The following ZNF454 variants were observed in gnomAD, a reference collection of about 807,000 sequenced individuals.
ZNF454 encodes zinc finger protein 454.
A neutral mutation model predicts 48.2 loss-of-function variants in ZNF454; 30 were observed. The ratio of observed to expected loss-of-function variants is 0.62; its 90% CI spans 0.47 to 0.84. ZNF454 has a LOEUF of 0.84. Among genes scored for constraint, ZNF454 ranks in the 40% least tolerant of loss-of-function variants. The pLI is 0.00. For synonymous variants in ZNF454, 204 were observed against 211.4 expected (o/e 0.97, Z 0.30); for missense variants, 510 against 623.1 (o/e 0.82, Z 1.93).
At chr5:178,981,997 G>A in the ZNF454 span, 3 of 751,410 alleles carry the variant, frequency 4.0e-6, no homozygotes, top group South Asian at 2.8e-5. The surrounding 1 kb of genome is among the most constrained non-coding windows in gnomAD (Gnocchi z 5.1). Flanking sequence ...ACAACAGTAT[G>A]AGCAGGGGCC....
the ZNF454 span, among the ~76,000 whole-genome samples, chr5:178,973,878 A>T: frequency 2.0e-5 from 3 of 151,792 alleles, no homozygotes; most frequent in South Asian, 2.1e-4. Context: ...TGAAGAATTT[A>T]AAAAATTCTA....
the ZNF454 span, chr5:178,986,563 GGCCTCATGTC>G: frequency 6.2e-7 from 1 of 1,607,876 alleles, no homozygotes; most frequent in Non-Finnish European, 8.5e-7. Context: ...GTTGGGCGTG[GGCCTCATGTC>G]CCCAGGACAG....
Position 178,965,181 on chromosome 5 carries a change from T to C in ZNF454, c.777T>C (p.Leu259=), listed in dbSNP as rs1760107398. Residue 259 remains leucine, a synonymous_variant, in exon 5 of 5, where the codon CTT becomes CTC. Transcript: ENST00000519564. This position sits in a 1 kb window ranked among gnomAD's most constrained non-coding sequence, Gnocchi z 5.2. ...AGGCCTTCTCAGTGAGCTCCTCACT[T>C]ACGTACCATCAGAAAATTCATACTG... The part of the protein sequence containing the change: ...CGKAFSVSSS[L]TYHQKIHTGE... 1 of 1,614,158 alleles carries C rather than the reference T, an allele frequency of 6.2e-7. No homozygotes were observed. Among genetic ancestry groups the C allele is most frequent in the East Asian group, 2.2e-5 (1 of 44,880 alleles).
At chr5:178,985,272 T>C in the ZNF454 span, 259,489 of 455,690 alleles carry the variant, frequency 0.57, 77,014 homozygotes, top group Admixed American at 0.68. Context: ...TTCACTGTTG[T>C]ACAGAAAGAT....
downstream of ZNF454, among the ~76,000 whole-genome samples, chr5:178,970,765 CT>C (rs1760223240): frequency 6.6e-6 from 1 of 152,208 alleles, no homozygotes; most frequent in Admixed American, 6.5e-5. Context: ...ATCAGTGTGT[CT>C]TTCTGAAAAT....
chr5:178,944,774 C>T lies in ZNF454; in HGVS notation c.34-1585C>T, dbSNP rs546502131. On this transcript the variant is annotated intron_variant, in intron 2 of 4. Coordinates refer to ENST00000519564, the MANE Select transcript of ZNF454 (RefSeq NM_001178089.3). The surrounding 1 kb of genome is among the most constrained non-coding windows in gnomAD (Gnocchi z 4.1). Reference sequence around the variant, plus strand: ...CTGGGCTTCTGCTTACCTCTTTTTTCTCAGTGAACACCAGCTCCCTTAACT... The same window carrying T: ...CTGGGCTTCTGCTTACCTCTTTTTTTTCAGTGAACACCAGCTCCCTTAACT... Among the ~76,000 whole-genome samples, 68 of 152,294 alleles carry T rather than the reference C, an allele frequency of 4.5e-4. No homozygotes were observed. Among genetic ancestry groups the T allele is most frequent in the South Asian group, 1.4e-3 (7 of 4,828 alleles).
rs942642536 is a variant in ZNF454, at chr5:178,946,539, C to G, written c.160+54C>G. The G allele has an allele frequency of 1.9e-6, 3 of 1,546,866 alleles. No individual in the cohort carries two copies. Among genetic ancestry groups the G allele is most frequent in the Non-Finnish European group, 1.7e-6 (2 of 1,151,338 alleles). On this transcript the variant is annotated intron_variant, in intron 3 of 4. Coordinates refer to ENST00000519564, the MANE Select transcript of ZNF454 (RefSeq NM_001178089.3). This position sits in a 1 kb window ranked among gnomAD's most constrained non-coding sequence, Gnocchi z 4.5. Reference sequence around the variant, plus strand: ...TCACTTTTGGGGATCTCTTTGGGACCCTTACATTGACACCATATAGAAGAG... The same window carrying G: ...TCACTTTTGGGGATCTCTTTGGGACGCTTACATTGACACCATATAGAAGAG...
At position 178,946,777 on chromosome 5, in the gene ZNF454, TG is replaced by T; in HGVS notation, c.161-117del. Reference sequence around the variant, plus strand: ...CTCCCTCTGGGAACACACCTGACCCTGGGCTTTCCTATCAAGTCCCATTTCC... The same window carrying T: ...CTCCCTCTGGGAACACACCTGACCCTGGCTTTCCTATCAAGTCCCATTTCC... On this transcript the variant is annotated intron_variant, in intron 3 of 4. Coordinates refer to ENST00000519564, the MANE Select transcript of ZNF454 (RefSeq NM_001178089.3). The surrounding 1 kb of genome is among the most constrained non-coding windows in gnomAD (Gnocchi z 4.5). 1 of 943,262 alleles carries T rather than the reference TG, an allele frequency of 1.1e-6. No individual in the cohort carries two copies. Among genetic ancestry groups the T allele is most frequent in the Non-Finnish European group, 1.7e-6 (1 of 604,426 alleles). 58.4% of individuals were successfully genotyped at this position (943,262 alleles called of 1,614,324 possible). A position where few individuals can be genotyped will look rare whatever the true frequency, so the allele number is the denominator to read the frequency against.
chr5:178,981,420 T>G, the ZNF454 span: 2 of 519,962 alleles, frequency 3.8e-6, no homozygotes, highest in South Asian at 2.6e-5. The surrounding 1 kb of genome is among the most constrained non-coding windows in gnomAD (Gnocchi z 5.1). Context: ...GGTGGCTGTT[T>G]CCCACCATGG....
chr5:178,953,027 C>T (rs1288758863), intron 4 of ZNF454, among the ~76,000 whole-genome samples: 1 of 152,116 alleles, frequency 6.6e-6, no homozygotes, highest in Non-Finnish European at 1.5e-5. Context: ...CCCATTTTCC[C>T]CTCTCTAGAA....
the ZNF454 span, among the ~76,000 whole-genome samples, chr5:178,978,085 T>C: frequency 2.0e-5 from 3 of 152,250 alleles, no homozygotes; most frequent in Non-Finnish European, 4.4e-5. Flanking sequence ...AGTATTCCAC[T>C]CTGGCTGTCC....
intron 4 of ZNF454, among the ~76,000 whole-genome samples, chr5:178,963,682 C>A (rs1760062275): frequency 1.3e-5 from 2 of 151,700 alleles, no homozygotes; most frequent in African/African-American, 4.8e-5. Flanking sequence ...ATAACTTTGC[C>A]ACAAAATATC....
At chr5:178,989,187 C>T in the ZNF454 span, 820 of 1,582,650 alleles carry the variant, frequency 5.2e-4, 9 homozygotes, top group South Asian at 6.3e-3. Context: ...GCACCGAACC[C>T]GGCCTCCCGC....
At chr5:178,943,479 C>T (rs1320138631) in intron 2 of ZNF454, among the ~76,000 whole-genome samples, 1 of 152,116 alleles carries the variant, frequency 6.6e-6, no homozygotes, top group African/African-American at 2.4e-5. Context: ...ACCAGGCCCC[C>T]CCTCCAACAT....
chr5:178,941,299 G>A lies in ZNF454; in HGVS notation c.-253G>A, dbSNP rs1391758134. On this transcript the variant is annotated 5_prime_UTR_variant, in exon 1 of 5. Coordinates refer to ENST00000519564, the MANE Select transcript of ZNF454 (RefSeq NM_001178089.3). This position sits in a 1 kb window ranked among gnomAD's most constrained non-coding sequence, Gnocchi z 5.5. The stretch of plus-strand genomic sequence containing the variant: ...GCTCCTCGAAGAGCGACACGGGGCT[G>A]ACCAGGCACGGTGGTCAAAGCCGCA... 4.5e-6 allele frequency: 2 copies of A among 441,342 alleles called. No individual in the cohort carries two copies. Among genetic ancestry groups the A allele is most frequent in the Non-Finnish European group, 9.2e-6 (2 of 218,360 alleles). The allele number at this position is 441,342 out of a possible 1,614,324, so 27.3% of individuals were successfully genotyped here.
intron 4 of ZNF454, among the ~76,000 whole-genome samples, chr5:178,949,897 G>C (rs988728168): frequency 6.6e-5 from 10 of 152,208 alleles, no homozygotes; most frequent in African/African-American, 2.4e-4. Flanking sequence ...TTACAGGTGT[G>C]AGCCACCACG....
intron 4 of ZNF454, among the ~76,000 whole-genome samples, chr5:178,959,011 A>G (rs539485013): frequency 0.013 from 1,387 of 103,146 alleles, 22 homozygotes; most frequent in African/African-American, 0.043. Flanking sequence ...ACCTGAATTC[A>G]TCAGAGGTCT....
chr5:178,955,927 C>G (rs1326632754), intron 4 of ZNF454, among the ~76,000 whole-genome samples: 1 of 152,112 alleles, frequency 6.6e-6, no homozygotes, highest in Non-Finnish European at 1.5e-5. Flanking sequence ...TATTGAGACC[C>G]CTGGGCTCTG....
the ZNF454 span, chr5:178,981,188 G>GTGGT: frequency 5.4e-6 from 1 of 186,154 alleles, no homozygotes; most frequent in Non-Finnish European, 1.1e-5. This position sits in a 1 kb window ranked among gnomAD's most constrained non-coding sequence, Gnocchi z 5.1. Flanking sequence ...CAGATGCACA[G>GTGGT]CCCCAGGTCT....
Sources: gnomAD v4.1 joint callset for allele counts (sites outside exome capture counted in the v4.1 genomes callset) on GRCh38, gnomAD v4.1.1 for gene constraint, Gnocchi (gnomAD v3.1) non-coding constraint, MANE v1.5 for transcripts, NCBI Gene and HGNC (gene_info 2026-07-23, HGNC 2026-07-21) for gene names.